The following PSD3 variants were observed in gnomAD, a reference collection of about 807,000 sequenced individuals.
PSD3 encodes the protein PH and SEC7 domain-containing protein 3.
Under a neutral mutation model 105.5 loss-of-function variants are expected in PSD3, and 49 were observed. The observed-to-expected ratio is 0.46, with a 90% CI of 0.37 to 0.59. PSD3 has a LOEUF of 0.59. Ranked by LOEUF, PSD3 falls within the 20% of genes least tolerant of loss-of-function variation. The probability of loss-of-function intolerance (pLI) is 0.00; values close to 1 mark genes in which losing one functional copy is unlikely to be tolerated. For synonymous variants in PSD3, 557 were observed against 457.8 expected (o/e 1.22, Z -2.77); for missense variants, 1,561 against 1,263.8 (o/e 1.24, Z -3.57).
chr8:18,806,921 T>C (rs1225290970), intron 4 of PSD3, among the ~76,000 whole-genome samples: 1 of 152,200 alleles, frequency 6.6e-6, no homozygotes, highest in African/African-American at 2.4e-5. Flanking sequence ...CTAATGGGCA[T>C]TGTTTCTTTT....
At chr8:19,060,448 A>G (rs905728902) in intron 1 of PSD3, among the ~76,000 whole-genome samples, 1 of 152,198 alleles carries the variant, frequency 6.6e-6, no homozygotes, top group Non-Finnish European at 1.5e-5. Flanking sequence ...CAGTCTGGGC[A>G]ACATAGCAAG....
intron 1 of PSD3, among the ~76,000 whole-genome samples, chr8:19,048,452 T>C (rs1040835330): frequency 1.3e-5 from 2 of 152,266 alleles, no homozygotes; most frequent in African/African-American, 4.8e-5. Context: ...CAAAAATATA[T>C]GGATAAAATA....
chr8:19,036,878 G>A (rs1335384197), intron 1 of PSD3, among the ~76,000 whole-genome samples: 1 of 152,182 alleles, frequency 6.6e-6, no homozygotes, highest in Admixed American at 6.5e-5. Context: ...GGCCAAAGAT[G>A]TGAAGAAGGA....
intron 1 of PSD3, among the ~76,000 whole-genome samples, chr8:18,946,484 G>A (rs1222992266): frequency 6.6e-6 from 1 of 152,188 alleles, no homozygotes; most frequent in Admixed American, 6.5e-5. Flanking sequence ...AGGAGCGTGA[G>A]GGAGGAGAAT....
chr8:18,690,121 G>A (rs576856094), intron 9 of PSD3, among the ~76,000 whole-genome samples: 1 of 152,272 alleles, frequency 6.6e-6, no homozygotes, highest in African/African-American at 2.4e-5. Context: ...CTGGGAGACT[G>A]ACTCTAGAAG....
chr8:18,673,563 C>T (rs1318578393), intron 9 of PSD3, among the ~76,000 whole-genome samples: 25 of 152,138 alleles, frequency 1.6e-4, no homozygotes, highest in Admixed American at 1.0e-3. Flanking sequence ...TTTCTATCTC[C>T]GGCACAGCTG....
At chr8:18,635,367 G>C (rs1340035792) in intron 10 of PSD3, among the ~76,000 whole-genome samples, 1 of 152,054 alleles carries the variant, frequency 6.6e-6, no homozygotes, top group Non-Finnish European at 1.5e-5. Context: ...GACAAAGCTA[G>C]GGAGATACAG....
At chr8:18,779,369 T>C (rs1163507625) in intron 8 of PSD3, among the ~76,000 whole-genome samples, 7 of 151,746 alleles carry the variant, frequency 4.6e-5, no homozygotes, top group Non-Finnish European at 1.0e-4. Context: ...AATTTATGAA[T>C]GTTGTTTATT....
intron 9 of PSD3, among the ~76,000 whole-genome samples, chr8:18,743,808 G>C (rs66672830): frequency 0.067 from 10,175 of 151,262 alleles, 518 homozygotes; most frequent in African/African-American, 0.14. Flanking sequence ...AATTAGCTAG[G>C]CTTGGTGGCA....
At chr8:18,541,902 G>A (rs771408330) in intron 15 of PSD3, among the ~76,000 whole-genome samples, 3 of 151,804 alleles carry the variant, frequency 2.0e-5, no homozygotes, top group Non-Finnish European at 4.4e-5. Flanking sequence ...AGGTATGCGC[G>A]CCACCACGCC....
intron 1 of PSD3, among the ~76,000 whole-genome samples, chr8:19,005,237 C>A (rs1409928960): frequency 6.6e-6 from 1 of 151,984 alleles, no homozygotes. Context: ...TGTGACCCAT[C>A]TAGTCAATGG....
intron 9 of PSD3, among the ~76,000 whole-genome samples, chr8:18,703,122 T>G (rs1190584101): frequency 6.6e-6 from 1 of 152,124 alleles, no homozygotes; most frequent in Non-Finnish European, 1.5e-5. Context: ...TGTCTTAACT[T>G]TTTGGTTAAA....
intron 8 of PSD3, among the ~76,000 whole-genome samples, chr8:18,787,798 G>A (rs335245): frequency 0.47 from 71,817 of 152,002 alleles, 18,696 homozygotes; most frequent in African/African-American, 0.69. Context: ...ATTTCTGGAA[G>A]AACTTATCCT....
At chr8:18,828,551 A>G (rs549723137) in intron 4 of PSD3, among the ~76,000 whole-genome samples, 1 of 152,290 alleles carries the variant, frequency 6.6e-6, no homozygotes, top group East Asian at 1.9e-4. Flanking sequence ...CTGTAATCCC[A>G]GCACCCTGGG....
rs183600579 is a variant in PSD3 at position 19,037,173 on chromosome 8, G to T, written c.324+47033C>A. ...GAATGATTGAAAATGGCAATTTCAG[G>T]CCCTATGGCAAATCAATGATAGAAC... On this transcript the variant is annotated intron_variant, in intron 1 of 1. Transcript: ENST00000521475. 4.3e-3 allele frequency among the ~76,000 whole-genome samples: 655 copies of T among 152,324 alleles called. 1 individual carries two copies. Among genetic ancestry groups the T allele is most frequent in the African/African-American group, 0.015 (639 of 41,576 alleles).
chr8:18,806,895 T>C (rs1043599155), intron 4 of PSD3, among the ~76,000 whole-genome samples: 1 of 152,132 alleles, frequency 6.6e-6, no homozygotes, highest in Non-Finnish European at 1.5e-5. Context: ...GCATTATCAA[T>C]AAAAAAGCAG....
intron 15 of PSD3, among the ~76,000 whole-genome samples, chr8:18,543,304 G>C (rs918117969): frequency 1.3e-5 from 2 of 151,806 alleles, no homozygotes; most frequent in Non-Finnish European, 2.9e-5. Context: ...GCTGATCTTC[G>C]ATTATCTGTA....
chr8:18,823,773 A>AACACACAC (rs762999119), intron 4 of PSD3, among the ~76,000 whole-genome samples: 7 of 134,814 alleles, frequency 5.2e-5, no homozygotes, highest in South Asian at 2.4e-4. Context: ...CTTTATCTTA[A>AACACACAC]ACACACTCAC....
intron 6 of PSD3, among the ~76,000 whole-genome samples, chr8:18,802,088 A>G (rs565680996): frequency 5.3e-5 from 8 of 152,298 alleles, no homozygotes; most frequent in African/African-American, 1.9e-4. Context: ...TAAAGCCACT[A>G]TGGATTGCAT....
Sources: gnomAD v4.1 joint callset for allele counts (sites outside exome capture counted in the v4.1 genomes callset) on GRCh38, gnomAD v4.1.1 for gene constraint, MANE v1.5 for transcripts, NCBI Gene and HGNC (gene_info 2026-07-23, HGNC 2026-07-21) for gene names.